The following PTPRD variants were observed in gnomAD, a reference collection of about 807,000 sequenced individuals.
PTPRD encodes the protein protein tyrosine phosphatase receptor type D.
A neutral mutation model predicts 214.5 loss-of-function variants in PTPRD; 34 were observed. That is an observed-to-expected ratio of 0.16 (90% confidence interval 0.12 to 0.21). The LOEUF (loss-of-function observed/expected upper bound fraction) is 0.21. Among genes scored for constraint, PTPRD ranks in the 10% least tolerant of loss-of-function variants. The pLI is 1.00. For synonymous variants in PTPRD, 1,128 were observed against 845.7 expected, an observed-to-expected ratio of 1.33 and a Z score of -5.79; for missense variants, 2,545 against 2,398.7, an observed-to-expected ratio of 1.06 and a Z score of -1.27.
At chr9:8,835,450 G>T (rs1023335356) in intron 11 of PTPRD, among the ~76,000 whole-genome samples, 3 of 152,178 alleles carry the variant, frequency 2.0e-5, no homozygotes, top group South Asian at 2.1e-4. Context: ...ATTAATTAAA[G>T]CAACAGTGAT....
At chr9:8,912,343 T>A (rs898091874) in intron 11 of PTPRD, among the ~76,000 whole-genome samples, 1 of 152,138 alleles carries the variant, frequency 6.6e-6, no homozygotes, top group Non-Finnish European at 1.5e-5. Context: ...AAACCATTGA[T>A]AAACCCTAAA....
intron 11 of PTPRD, among the ~76,000 whole-genome samples, chr9:8,911,915 G>A (rs533326180): frequency 3.3e-5 from 5 of 152,040 alleles, no homozygotes; most frequent in Non-Finnish European, 5.9e-5. Context: ...TTCTCGCTTC[G>A]TTAGTCATTA....
chr9:9,577,301 T>C (rs1036916984), intron 7 of PTPRD, among the ~76,000 whole-genome samples: 10 of 152,110 alleles, frequency 6.6e-5, no homozygotes, highest in African/African-American at 1.7e-4. Context: ...TGGTGGCTAA[T>C]GTCTGTAACC....
At chr9:8,893,229 C>A (rs1474296354) in intron 11 of PTPRD, among the ~76,000 whole-genome samples, 1 of 152,026 alleles carries the variant, frequency 6.6e-6, no homozygotes, top group African/African-American at 2.4e-5. Flanking sequence ...AAGCATGTTC[C>A]TGGAGATAAT....
At chr9:8,908,145 G>T (rs1221397263) in intron 11 of PTPRD, among the ~76,000 whole-genome samples, 2 of 152,176 alleles carry the variant, frequency 1.3e-5, no homozygotes, top group Non-Finnish European at 2.9e-5. Flanking sequence ...ACAGCAGAAT[G>T]TTGTAATGAA....
intron 6 of PTPRD, among the ~76,000 whole-genome samples, chr9:9,747,532 CTTTTTTGTT>C (rs1243460396): frequency 1.9e-5 from 2 of 104,580 alleles, no homozygotes; most frequent in Admixed American, 1.3e-4. Flanking sequence ...GTGACTGAAT[CTTTTTTGTT>C]TTTTTTTTTT....
In PTPRD at chr9:9,759,373, A is replaced by C. The variant is rs113254325; in HGVS notation, c.-326+7437T>G. Among the ~76,000 whole-genome samples, 99 of 152,262 alleles carry C rather than the reference A, an allele frequency of 6.5e-4. 1 individual carries two copies. Among genetic ancestry groups the C allele is most frequent in the African/African-American group, 2.3e-3 (94 of 41,554 alleles). The stretch of plus-strand genomic sequence containing the variant: ...TGGTCGCTCCTCAAGAAGTCCCCAC[A>C]ACCCAGTAATTAAAGTGTTAATGCT... On this transcript the variant is annotated intron_variant, in intron 6 of 45. Coordinates refer to ENST00000381196, the MANE Select transcript of PTPRD (RefSeq NM_002839.4).
At chr9:9,987,336 G>A (rs2095751389) in intron 4 of PTPRD, among the ~76,000 whole-genome samples, 1 of 152,110 alleles carries the variant, frequency 6.6e-6, no homozygotes, top group African/African-American at 2.4e-5. Context: ...ACATGCCGGA[G>A]ACTGGGCAAT....
intron 4 of PTPRD, among the ~76,000 whole-genome samples, chr9:10,003,527 A>T (rs1416450685): frequency 6.6e-6 from 1 of 151,764 alleles, no homozygotes; most frequent in Non-Finnish European, 1.5e-5. Context: ...GGTATAAGAG[A>T]TAGTGAAACT....
chr9:10,035,623 G>A (rs546878982), intron 3 of PTPRD, among the ~76,000 whole-genome samples: 3 of 151,856 alleles, frequency 2.0e-5, no homozygotes, highest in East Asian at 1.9e-4. Flanking sequence ...CTAGGTTGAC[G>A]CTTGGTCTAC....
intron 9 of PTPRD, among the ~76,000 whole-genome samples, chr9:9,351,043 G>C (rs566473561): frequency 1.3e-5 from 2 of 152,084 alleles, no homozygotes; most frequent in South Asian, 4.2e-4. Flanking sequence ...CTGAAGTCAA[G>C]TCTCAATTAC....
intron 14 of PTPRD, among the ~76,000 whole-genome samples, chr9:8,574,744 C>G (rs1216814758): frequency 1.3e-5 from 2 of 152,030 alleles, no homozygotes; most frequent in Non-Finnish European, 2.9e-5. Context: ...ATTCATTCCT[C>G]CCCCTGAGCT....
chr9:10,358,741 A>G (rs952351237), intron 2 of PTPRD, among the ~76,000 whole-genome samples: 1 of 151,978 alleles, frequency 6.6e-6, no homozygotes, highest in Non-Finnish European at 1.5e-5. Flanking sequence ...ACATAATTGC[A>G]TTTTGTGCCC....
intron 2 of PTPRD, among the ~76,000 whole-genome samples, chr9:10,483,922 T>A (rs1263043610): frequency 5.9e-5 from 9 of 152,148 alleles, no homozygotes; most frequent in Admixed American, 5.2e-4. Context: ...AACCCACTAC[T>A]GCTCATCTAT....
intron 9 of PTPRD, among the ~76,000 whole-genome samples, chr9:9,251,077 T>C (rs2099975283): frequency 6.6e-6 from 1 of 151,962 alleles, no homozygotes; most frequent in South Asian, 2.1e-4. Flanking sequence ...ATACCACTTT[T>C]AATAGGAAAA....
intron 5 of PTPRD, among the ~76,000 whole-genome samples, chr9:9,930,940 T>G (rs1683218736): frequency 6.6e-6 from 1 of 152,068 alleles, no homozygotes; most frequent in South Asian, 2.1e-4. Context: ...ACCATGACTC[T>G]CCCGAATTCA....
intron 28 of PTPRD, 89 bp from the exon 29 acceptor site, chr9:8,485,413 G>T: frequency 1.2e-6 from 1 of 859,542 alleles, no homozygotes; most frequent in Non-Finnish European, 1.9e-6. Context: ...GCTTATGCTA[G>T]ATGCTGTCTA....
intron 2 of PTPRD, among the ~76,000 whole-genome samples, chr9:10,475,831 T>C (rs2099059149): frequency 6.6e-6 from 1 of 151,944 alleles, no homozygotes; most frequent in African/African-American, 2.4e-5. Context: ...AATATATGCA[T>C]ATCAATAAAT....
intron 5 of PTPRD, among the ~76,000 whole-genome samples, chr9:9,790,039 A>G (rs2098956418): frequency 6.6e-6 from 1 of 152,116 alleles, no homozygotes; most frequent in Non-Finnish European, 1.5e-5. Flanking sequence ...ATCAAAGATG[A>G]TCTTAGCAGG....
Sources: allele counts gnomAD v4.1 joint callset (sites outside exome capture counted in the v4.1 genomes callset), GRCh38; gene constraint gnomAD v4.1.1; transcripts MANE v1.5; gene names NCBI Gene and HGNC (gene_info 2026-07-23, HGNC 2026-07-21).